The following NT5DC3 variants were observed in gnomAD, a reference collection of about 807,000 sequenced individuals.
NT5DC3 encodes the protein 5'-nucleotidase domain-containing protein 3.
NT5DC3 carries 42 observed loss-of-function variants against 67.8 expected under a neutral mutation model. That is an observed-to-expected ratio of 0.62 (90% CI 0.48 to 0.80). NT5DC3 has a LOEUF of 0.80. Among genes scored for constraint, NT5DC3 ranks in the 30% least tolerant of loss-of-function variants. The probability of loss-of-function intolerance (pLI) is 0.00; values close to 1 mark genes in which losing one functional copy is unlikely to be tolerated. For synonymous variants in NT5DC3, 237 were observed against 255.6 expected, an observed-to-expected ratio of 0.93 and a Z score of 0.69; for missense variants, 570 against 696.4, an observed-to-expected ratio of 0.82 and a Z score of 2.04.
the NT5DC3 span, among the ~76,000 whole-genome samples, chr12:103,749,841 C>CAAAAAAAAAAAAAAAA: frequency 6.1e-4 from 31 of 51,154 alleles, no homozygotes; most frequent in East Asian, 1.9e-3. Context: ...CTCTGTCTCA[C>CAAAAAAAAAAAAAAAA]AAAAAAAAAA....
downstream of NT5DC3, among the ~76,000 whole-genome samples, chr12:103,767,934 A>AAAT (rs1434077511): frequency 6.6e-6 from 1 of 151,658 alleles, no homozygotes; most frequent in African/African-American, 2.4e-5. Context: ...TACAAAAAAA[A>AAAT]AATAATAGCT....
intron 13 of NT5DC3, 145 bp from the exon 14 acceptor site, chr12:103,778,226 T>C: frequency 1.1e-6 from 1 of 883,062 alleles, no homozygotes; most frequent in Non-Finnish European, 1.6e-6. Flanking sequence ...CAGCCCCAAA[T>C]ATTAATTAAG....
chr12:103,770,071 T>C (rs952263778), downstream of NT5DC3, among the ~76,000 whole-genome samples: 1 of 152,254 alleles, frequency 6.6e-6, no homozygotes, highest in Non-Finnish European at 1.5e-5. Flanking sequence ...ACCTGCTCCT[T>C]GGCGACATGA....
chr12:103,748,605 TACACACACACACACACACACAC>T, the NT5DC3 span, among the ~76,000 whole-genome samples: 158 of 141,772 alleles, frequency 1.1e-3, no homozygotes, highest in East Asian at 3.7e-3. Flanking sequence ...CACACACACA[TACACACACACACACACACACAC>T]ACACACACAC....
chr12:103,806,264 G>A, intron 4 of NT5DC3, 58 bp downstream of exon 4: 1 of 1,121,604 alleles, frequency 8.9e-7, no homozygotes, highest in East Asian at 2.3e-5. Context: ...AGAGGGTCCT[G>A]AAACCCAAAG....
downstream of NT5DC3, among the ~76,000 whole-genome samples, chr12:103,767,567 CAAAG>C (rs1386604042): frequency 6.6e-6 from 1 of 152,092 alleles, no homozygotes; most frequent in Non-Finnish European, 1.5e-5. Flanking sequence ...AGTTATATCT[CAAAG>C]AAGACATGAT....
the NT5DC3 span, among the ~76,000 whole-genome samples, chr12:103,752,337 T>C: frequency 1.3e-5 from 2 of 152,358 alleles, no homozygotes; most frequent in South Asian, 2.1e-4. Context: ...ATTTCAGATA[T>C]GGCCAAGATC....
intron 1 of NT5DC3, 68 bp downstream of exon 1, chr12:103,840,881 C>T: frequency 1.0e-6 from 1 of 957,796 alleles, no homozygotes; most frequent in Non-Finnish European, 1.4e-6. Flanking sequence ...GGTCCTAGGG[C>T]GCCCGCTTCC....
At chr12:103,832,811 A>C (rs1023607689) in intron 1 of NT5DC3, among the ~76,000 whole-genome samples, 2 of 152,244 alleles carry the variant, frequency 1.3e-5, no homozygotes, top group Non-Finnish European at 2.9e-5. Context: ...CCTAAAGCGT[A>C]ACAGAAGCAC....
rs1339833454 is a variant in NT5DC3, at chr12:103,828,425, T to C, written c.208+12524A>G. On this transcript the variant is annotated intron_variant, in intron 1 of 13. Coordinates refer to ENST00000392876, the MANE Select transcript of NT5DC3 (RefSeq NM_001031701.3). ...ATCTGAAAATGTGAAAGTTATGATG[T>C]GGCATGTTTCTCCCTTAAATCTTTT... Among the ~76,000 whole-genome samples, 6 of 152,390 alleles carry C rather than the reference T, an allele frequency of 3.9e-5. No homozygotes were observed. The East Asian group carries it at 1.2e-3, about 29-fold the overall frequency.
In NT5DC3 at chr12:103,825,587, T is replaced by C. The variant is rs924278030; in HGVS notation, c.209-10466A>G. On this transcript the variant is annotated intron_variant, in intron 1 of 13. Transcript: ENST00000392876. ...CAGAAGGATGGCTTGAAGCCAGGAGTTCAAGACCAGCCTGCGGAGCAAATC... is the reference window on the plus strand; with the variant it reads ...CAGAAGGATGGCTTGAAGCCAGGAGCTCAAGACCAGCCTGCGGAGCAAATC... Among the ~76,000 whole-genome samples the C allele has an allele frequency of 2.6e-5, 4 of 151,630 alleles. No homozygotes were observed. The South Asian group carries it at 8.3e-4, about 32-fold the overall frequency.
At chr12:103,757,093 G>T in the NT5DC3 span, among the ~76,000 whole-genome samples, 1 of 147,038 alleles carries the variant, frequency 6.8e-6, no homozygotes, top group East Asian at 2.0e-4. Context: ...TATATATTTT[G>T]TTTGTTTGTT....
chr12:103,836,019 G>A (rs1326815673), intron 1 of NT5DC3, among the ~76,000 whole-genome samples: 5 of 152,118 alleles, frequency 3.3e-5, no homozygotes, highest in South Asian at 2.1e-4. Context: ...ATCAGATCTC[G>A]TGAGACTTAT....
At chr12:103,783,762 C>T (rs1885651560) in intron 12 of NT5DC3, among the ~76,000 whole-genome samples, 1 of 147,710 alleles carries the variant, frequency 6.8e-6, no homozygotes, top group Non-Finnish European at 1.5e-5. Context: ...ACTTTTTACA[C>T]AGGTCAGAAA....
At chr12:103,796,827 ACTC>A in intron 6 of NT5DC3, 64 bp downstream of exon 6, 1 of 1,559,808 alleles carries the variant, frequency 6.4e-7, no homozygotes, top group Non-Finnish European at 8.8e-7. Context: ...GAGGTTCAAG[ACTC>A]TGTGACTCCC....
chr12:103,773,331 C>T lies in NT5DC3; in HGVS notation c.*4498G>A, dbSNP rs1003962864. The T allele has an allele frequency of 1.3e-5, 2 of 152,202 alleles. No individual in the cohort carries two copies. Among genetic ancestry groups the T allele is most frequent in the African/African-American group, 4.8e-5 (2 of 41,450 alleles). The allele number at this position is 152,202 out of a possible 1,614,324, so 9.4% of individuals were successfully genotyped here. A position where few individuals can be genotyped will look rare whatever the true frequency, so the allele number is the denominator to read the frequency against. On this transcript the variant is annotated 3_prime_UTR_variant, in exon 14 of 14. Coordinates refer to ENST00000392876, the MANE Select transcript of NT5DC3 (RefSeq NM_001031701.3). ...CAAACAGCCCAAAAAGCCAAAAATA[C>T]TTCCTATCTGGCCTTTTACAGGAAA...
chr12:103,765,905 T>C (rs1227245523), downstream of NT5DC3: 1 of 357,106 alleles, frequency 2.8e-6, no homozygotes, highest in Admixed American at 3.8e-5. Context: ...AGATGAATTT[T>C]CAAACCGAAA....
intron 1 of NT5DC3, among the ~76,000 whole-genome samples, chr12:103,816,295 G>C (rs1328388564): frequency 2.6e-5 from 4 of 152,226 alleles, no homozygotes; most frequent in Admixed American, 6.5e-5. Flanking sequence ...GCTCCAATGA[G>C]TGATTGGACT....
chr12:103,805,845 C>CAA (rs34163004), intron 4 of NT5DC3, among the ~76,000 whole-genome samples: 163 of 48,668 alleles, frequency 3.3e-3, no homozygotes, highest in African/African-American at 4.0e-3. Context: ...GACTCCACCT[C>CAA]AAAAAAAAAA....
Sources: gnomAD v4.1 joint callset for allele counts (sites outside exome capture counted in the v4.1 genomes callset) on GRCh38, gnomAD v4.1.1 for gene constraint, MANE v1.5 for transcripts, NCBI Gene and HGNC (gene_info 2026-07-23, HGNC 2026-07-21) for gene names.